Variants in KIAA1328 observed in about 807,000 individuals in gnomAD.
KIAA1328 encodes protein hinderin.
A neutral mutation model predicts 68.1 loss-of-function variants in KIAA1328; 52 were observed. That is an observed-to-expected ratio of 0.76 (90% CI 0.61 to 0.96). The LOEUF is 0.96. KIAA1328 is among the 40% of genes least tolerant of loss of function. KIAA1328 has a pLI of 0.00. For missense variants in KIAA1328, 641 were observed against 677.6 expected, an observed-to-expected ratio of 0.95 and a Z score of 0.60; for synonymous variants, 232 against 239.4, an observed-to-expected ratio of 0.97 and a Z score of 0.28.
chr18:37,098,425 C>A (rs2057483986), intron 7 of KIAA1328, among the ~76,000 whole-genome samples: 1 of 152,114 alleles, frequency 6.6e-6, no homozygotes. Flanking sequence ...GGATGAAGCC[C>A]ACTTGATCAT....
intron 6 of KIAA1328, among the ~76,000 whole-genome samples, chr18:37,064,677 C>G (rs1292947218): frequency 1.3e-5 from 2 of 151,894 alleles, no homozygotes; most frequent in African/African-American, 4.8e-5. Flanking sequence ...CAGGTAGGCC[C>G]AATCAAATCC....
chr18:36,919,228 G>A (rs956747435), intron 5 of KIAA1328, among the ~76,000 whole-genome samples: 2 of 152,022 alleles, frequency 1.3e-5, no homozygotes, highest in African/African-American at 4.8e-5. Context: ...TAGTAATATG[G>A]TCACAAAACT....
At chr18:36,864,695 A>G (rs896274975) in intron 4 of KIAA1328, among the ~76,000 whole-genome samples, 4 of 149,618 alleles carry the variant, frequency 2.7e-5, no homozygotes, top group African/African-American at 9.9e-5. Flanking sequence ...TAAACTGTGG[A>G]AAGATGTTGC....
At chr18:37,208,368 G>C (rs976424406) in intron 9 of KIAA1328, among the ~76,000 whole-genome samples, 1 of 152,186 alleles carries the variant, frequency 6.6e-6, no homozygotes, top group African/African-American at 2.4e-5. Context: ...TATGGGAAAG[G>C]CTTGCCACTA....
chr18:36,852,979 G>T (rs896872564), intron 4 of KIAA1328, among the ~76,000 whole-genome samples: 2 of 152,110 alleles, frequency 1.3e-5, no homozygotes, highest in Non-Finnish European at 2.9e-5. Context: ...ATATTTTGAG[G>T]TGCTGTTTGG....
At chr18:37,151,619 C>T (rs914351829) in intron 7 of KIAA1328, among the ~76,000 whole-genome samples, 3 of 151,882 alleles carry the variant, frequency 2.0e-5, no homozygotes, top group Non-Finnish European at 2.9e-5. Context: ...AGAAACAGAC[C>T]CACACACTCA....
At chr18:36,955,884 A>G (rs2051393484) in intron 5 of KIAA1328, 1 of 152,356 alleles carries the variant, frequency 6.6e-6, no homozygotes, top group African/African-American at 2.4e-5. Context: ...CCCAGGTGTC[A>G]GAGACAAGGG....
chr18:37,225,325 A>G lies in KIAA1328; in HGVS notation c.*3098A>G, dbSNP rs2154227830. On this transcript the variant is annotated 3_prime_UTR_variant, in exon 10 of 10. Coordinates refer to ENST00000280020, the MANE Select transcript of KIAA1328 (RefSeq NM_020776.3). ...AAGTTAATAAATCATCTCTATGGCT[A>G]TTTTCCCCATGTGGGTTTGATATTG... 1.0e-6 allele frequency: 1 copy of G among 985,050 alleles called. No homozygotes were observed. Among genetic ancestry groups the G allele is most frequent in the Non-Finnish European group, 1.2e-6 (1 of 829,602 alleles). 61.0% of individuals were successfully genotyped at this position (985,050 alleles called of 1,614,324 possible).
At chr18:36,897,942 T>G (rs2048917949) in intron 5 of KIAA1328, among the ~76,000 whole-genome samples, 1 of 152,092 alleles carries the variant, frequency 6.6e-6, no homozygotes, top group African/African-American at 2.4e-5. Flanking sequence ...AATCTTTAGT[T>G]AATTACAAAT....
chr18:36,841,765 C>T (rs910176929), intron 3 of KIAA1328, among the ~76,000 whole-genome samples: 5 of 152,220 alleles, frequency 3.3e-5, no homozygotes, highest in African/African-American at 7.2e-5. Context: ...GGGCCAGATT[C>T]GGCTTGCAGC....
At chr18:37,016,589 C>T (rs1207660164) in intron 6 of KIAA1328, among the ~76,000 whole-genome samples, 1 of 152,042 alleles carries the variant, frequency 6.6e-6, no homozygotes, top group Non-Finnish European at 1.5e-5. Context: ...TCCATCTGGT[C>T]TGGGGCTTTT....
At chr18:36,957,996 C>T (rs566952867) in intron 5 of KIAA1328, among the ~76,000 whole-genome samples, 1 of 152,110 alleles carries the variant, frequency 6.6e-6, no homozygotes, top group East Asian at 1.9e-4. Flanking sequence ...AACCACTAAT[C>T]TATTTCTGTC....
chr18:37,081,114 T>C (rs1388703603), intron 7 of KIAA1328, among the ~76,000 whole-genome samples: 2 of 151,950 alleles, frequency 1.3e-5, no homozygotes, highest in Non-Finnish European at 2.9e-5. Context: ...CCCGAGTAGC[T>C]GGGATTGCAG....
intron 5 of KIAA1328, among the ~76,000 whole-genome samples, chr18:36,911,537 T>C (rs983393098): frequency 3.3e-5 from 5 of 152,168 alleles, no homozygotes; most frequent in Non-Finnish European, 7.4e-5. Flanking sequence ...AAGCATTCCA[T>C]GTAGAGTACC....
intron 6 of KIAA1328, among the ~76,000 whole-genome samples, chr18:37,055,853 T>C (rs1252188157): frequency 6.6e-6 from 1 of 152,216 alleles, no homozygotes; most frequent in Non-Finnish European, 1.5e-5. Flanking sequence ...ATAGGGTGCT[T>C]ATCAGGATAG....
At chr18:37,047,822 A>G (rs926685276) in intron 6 of KIAA1328, among the ~76,000 whole-genome samples, 5 of 152,088 alleles carry the variant, frequency 3.3e-5, no homozygotes, top group African/African-American at 7.2e-5. Context: ...CTGACTTACC[A>G]AGCCTGGCAC....
At chr18:36,848,873 A>C (rs959277651) in intron 4 of KIAA1328, among the ~76,000 whole-genome samples, 9 of 151,140 alleles carry the variant, frequency 6.0e-5, no homozygotes, top group African/African-American at 2.2e-4. Flanking sequence ...TGATTTTTGA[A>C]TGTTTAATTT....
At chr18:37,046,720 G>T (rs566389690) in intron 6 of KIAA1328, among the ~76,000 whole-genome samples, 2 of 152,162 alleles carry the variant, frequency 1.3e-5, no homozygotes, top group South Asian at 2.1e-4. Flanking sequence ...ATTATTATCC[G>T]CAATAGATTG....
intron 2 of KIAA1328, among the ~76,000 whole-genome samples, 195 bp from the exon 3 acceptor site, chr18:36,835,039 A>T (rs570427243): frequency 6.6e-6 from 1 of 152,168 alleles, no homozygotes; most frequent in Non-Finnish European, 1.5e-5. Context: ...ATTTCAATTC[A>T]ATCTTTAGTG....
Sources: gnomAD v4.1 joint callset for allele counts (sites outside exome capture counted in the v4.1 genomes callset) on GRCh38, gnomAD v4.1.1 for gene constraint, MANE v1.5 for transcripts, NCBI Gene and HGNC (gene_info 2026-07-23, HGNC 2026-07-21) for gene names.